The following NCAM2 variants were observed in gnomAD, a reference collection of about 807,000 sequenced individuals.
NCAM2 encodes the protein N-CAM-2.
In NCAM2, 30 loss-of-function variants were observed where a neutral mutation model predicts 98.1. The ratio of observed to expected loss-of-function variants is 0.31; its 90% CI spans 0.23 to 0.41. NCAM2 has a LOEUF of 0.41. Among genes scored for constraint, NCAM2 ranks in the 10% least tolerant of loss-of-function variants. The pLI is 1.00. For synonymous variants in NCAM2, 368 were observed against 342.4 expected, an observed-to-expected ratio of 1.07 and a Z score of -0.83; for missense variants, 867 against 1,005.8, an observed-to-expected ratio of 0.86 and a Z score of 1.87.
At chr21:21,259,919 A>AACACACACACAC (rs10618210) in intron 1 of NCAM2, among the ~76,000 whole-genome samples, 38 of 142,092 alleles carry the variant, frequency 2.7e-4, no homozygotes, top group African/African-American at 9.0e-4. Context: ...AATAAGAAGC[A>AACACACACACAC]ACACACACAC....
intron 1 of NCAM2, chr21:21,210,480 A>G (rs2069608938): frequency 8.1e-7 from 1 of 1,227,666 alleles, no homozygotes; most frequent in Admixed American, 2.6e-5. Context: ...TTCTTCATGA[A>G]GTACAAGTAA....
At chr21:21,038,020 C>T (rs1306194531) in intron 1 of NCAM2, among the ~76,000 whole-genome samples, 22 of 152,124 alleles carry the variant, frequency 1.4e-4, no homozygotes, top group Admixed American at 1.4e-3. Context: ...TTGCACATGA[C>T]ATTATGAAAA....
At chr21:21,002,495 T>G (rs1457326733) in intron 1 of NCAM2, among the ~76,000 whole-genome samples, 1 of 152,174 alleles carries the variant, frequency 6.6e-6, no homozygotes, top group Non-Finnish European at 1.5e-5. Flanking sequence ...GTAACCAAGC[T>G]GAACAGTGTA....
At chr21:21,105,206 G>C (rs369698597) in intron 1 of NCAM2, among the ~76,000 whole-genome samples, 1 of 152,158 alleles carries the variant, frequency 6.6e-6, no homozygotes, top group Admixed American at 6.6e-5. Flanking sequence ...GGTTAGAAAT[G>C]AAATGACATG....
At chr21:21,231,744 T>G (rs147234941) in intron 1 of NCAM2, among the ~76,000 whole-genome samples, 8 of 151,502 alleles carry the variant, frequency 5.3e-5, no homozygotes, top group Non-Finnish European at 1.0e-4. Flanking sequence ...TCATACTGTT[T>G]CCAACCAAAC....
intron 1 of NCAM2, among the ~76,000 whole-genome samples, chr21:21,241,593 A>T (rs1272328654): frequency 6.6e-6 from 1 of 152,150 alleles, no homozygotes; most frequent in Admixed American, 6.5e-5. Context: ...GATGGTGAAG[A>T]GGGGTCTAAT....
chr21:21,433,841 G>A (rs2077407753), intron 12 of NCAM2, among the ~76,000 whole-genome samples: 1 of 151,580 alleles, frequency 6.6e-6, no homozygotes, highest in South Asian at 2.1e-4. Flanking sequence ...AAAAACAGAA[G>A]GAAAAAAGGC....
intron 1 of NCAM2, among the ~76,000 whole-genome samples, chr21:21,116,416 T>C (rs2066560656): frequency 1.3e-5 from 2 of 152,174 alleles, no homozygotes; most frequent in South Asian, 4.1e-4. Context: ...AGCATATGAA[T>C]AACTCTGATA....
intron 8 of NCAM2, among the ~76,000 whole-genome samples, chr21:21,370,327 G>A (rs1228731969): frequency 6.6e-6 from 1 of 151,618 alleles, no homozygotes; most frequent in Non-Finnish European, 1.5e-5. Context: ...AAAAGTAAAC[G>A]TGCTAATTTA....
chr21:21,142,120 T>C (rs1467004722), intron 1 of NCAM2, among the ~76,000 whole-genome samples: 1 of 152,176 alleles, frequency 6.6e-6, no homozygotes, highest in Non-Finnish European at 1.5e-5. Flanking sequence ...TAAAGTAACA[T>C]TTGCTTTATT....
chr21:21,341,652 C>A (rs1301268180), intron 8 of NCAM2, among the ~76,000 whole-genome samples: 2 of 149,890 alleles, frequency 1.3e-5, no homozygotes, highest in African/African-American at 2.5e-5. Context: ...ATGTATTTAG[C>A]AAATATGTTC....
chr21:21,200,745 C>T (rs9306007), intron 1 of NCAM2, among the ~76,000 whole-genome samples: 142,536 of 142,538 alleles, frequency 1, 71,267 homozygotes, highest in Non-Finnish European at 1. Flanking sequence ...ATTAATGGGG[C>T]CCTTCATTTT....
chr21:21,514,381 C>T (rs1034989684), intron 16 of NCAM2, among the ~76,000 whole-genome samples: 6 of 146,884 alleles, frequency 4.1e-5, no homozygotes, highest in Non-Finnish European at 1.5e-5. Flanking sequence ...GAGGCTGAGG[C>T]AGGAGAATCA....
chr21:21,068,203 G>A (rs147597741), intron 1 of NCAM2, among the ~76,000 whole-genome samples: 2 of 145,780 alleles, frequency 1.4e-5, no homozygotes, highest in East Asian at 4.0e-4. Context: ...GTGGCGCTTG[G>A]CTCACTGCAA....
chr21:21,342,552 G>A (rs1480349161), intron 8 of NCAM2, among the ~76,000 whole-genome samples: 6 of 152,124 alleles, frequency 3.9e-5, no homozygotes, highest in Non-Finnish European at 2.9e-5. Flanking sequence ...TTTTGTGGCA[G>A]CAGGCTTTCT....
chr21:21,085,758 A>G lies in NCAM2; in HGVS notation c.55+87140A>G, dbSNP rs578031219. ...TTTATTGCTATTTTCTTGAAAGTTA[A>G]TATCACCTCACTGCTTTCAATCTGG... On this transcript the variant is annotated intron_variant, in intron 1 of 17. Coordinates refer to ENST00000400546, the MANE Select transcript of NCAM2 (RefSeq NM_004540.5). 4.6e-5 allele frequency among the ~76,000 whole-genome samples: 7 copies of G among 152,322 alleles called. No homozygotes were observed. In the South Asian group the frequency reaches 1.4e-3, roughly 32 times the overall value.
At chr21:21,121,902 G>A (rs573677331) in intron 1 of NCAM2, among the ~76,000 whole-genome samples, 1 of 152,328 alleles carries the variant, frequency 6.6e-6, no homozygotes, top group South Asian at 2.1e-4. Context: ...AAAGTGATGA[G>A]ACAGGGTAAA....
intron 1 of NCAM2, among the ~76,000 whole-genome samples, chr21:21,034,544 G>A (rs2064758619): frequency 6.6e-6 from 1 of 152,048 alleles, no homozygotes; most frequent in Non-Finnish European, 1.5e-5. Flanking sequence ...CAGTTTGTAG[G>A]CCTTCAACAA....
intron 5 of NCAM2, among the ~76,000 whole-genome samples, chr21:21,310,652 A>G (rs765512462): frequency 6.6e-6 from 1 of 152,220 alleles, no homozygotes; most frequent in Non-Finnish European, 1.5e-5. Flanking sequence ...AACTATCAAT[A>G]TGATTTTTAA....
Sources: allele counts gnomAD v4.1 joint callset (sites outside exome capture counted in the v4.1 genomes callset), GRCh38; gene constraint gnomAD v4.1.1; transcripts MANE v1.5; gene names NCBI Gene and HGNC (gene_info 2026-07-23, HGNC 2026-07-21).